The following MDGA1 variants were observed in gnomAD, a reference collection of about 807,000 sequenced individuals.
MDGA1 encodes MAM domain containing glycosylphosphatidylinositol anchor 1.
MDGA1 carries 54 observed loss-of-function variants against 101.5 expected under a neutral mutation model. The ratio of observed to expected loss-of-function variants is 0.53; its 90% CI spans 0.43 to 0.67. MDGA1 has a LOEUF of 0.67. Ranked by LOEUF, MDGA1 falls within the 30% of genes least tolerant of loss-of-function variation. The probability of loss-of-function intolerance (pLI) is 0.00; values close to 1 mark genes in which losing one functional copy is unlikely to be tolerated. For missense variants in MDGA1, 1,083 were observed against 1,323.8 expected (o/e 0.82, Z 2.82); for synonymous variants, 533 against 558.3 (o/e 0.95, Z 0.64).
chr6:37,693,792 C>T (rs1030684432), intron 1 of MDGA1, among the ~76,000 whole-genome samples: 6 of 152,160 alleles, frequency 3.9e-5, no homozygotes, highest in African/African-American at 1.4e-4. Flanking sequence ...GATTGGGAGG[C>T]GAGGAGGGAG....
intron 1 of MDGA1, among the ~76,000 whole-genome samples, chr6:37,669,642 C>G (rs368248391): frequency 1.3e-5 from 2 of 152,290 alleles, no homozygotes; most frequent in Non-Finnish European, 1.5e-5. Flanking sequence ...GGTCCCTGCC[C>G]CACTGAACCT....
rs181928394 is a variant in MDGA1, at chr6:37,677,781, C to T, written c.68-13675G>A. On this transcript the variant is annotated intron_variant, in intron 1 of 16. Transcript: ENST00000434837. ...CTGGTGGGGCCTTGGCCCATAGCAG[C>T]ACAGAAAGGGAGGGAAGGAAGGACA... Among the ~76,000 whole-genome samples, 285 of 152,256 alleles carry T rather than the reference C, an allele frequency of 1.9e-3. 2 individuals are homozygous for T. Among genetic ancestry groups the T allele is most frequent in the African/African-American group, 6.2e-3 (258 of 41,538 alleles).
rs751341337 is a variant in MDGA1, at chr6:37,664,076, C to G, written c.98G>C (p.Gly33Ala). The change falls in exon 2 of 17, where the codon GGC becomes GCC. Residue 33 changes from glycine to alanine, a missense_variant. Around this residue, in one of 3 missense-constraint regions of MDGA1, gnomAD observed 310 missense variants for 355.9 expected, o/e 0.87. Transcript: ENST00000434837. ...GTCCTCTTTCACCACACATGCCTGG[C>G]CCGCATGCACGATCTGCGCCTGGGC... is the stretch of plus-strand genomic sequence containing the variant. The part of the protein sequence containing the change: ...APAQAQIVHA[G>A]QACVVKEDNI... The G allele has an allele frequency of 6.2e-7, 1 of 1,613,918 alleles. No homozygotes were observed.
chr6:37,637,668 C>G (rs1419656307), intron 16 of MDGA1, among the ~76,000 whole-genome samples: 6 of 152,118 alleles, frequency 3.9e-5, no homozygotes, highest in Non-Finnish European at 8.8e-5. Context: ...TGCCAGGGTT[C>G]ACATTCACTA....
chr6:37,654,304 C>G lies in MDGA1; in HGVS notation c.952G>C (p.Ala318Pro). 1 of 1,569,290 alleles carries G rather than the reference C, an allele frequency of 6.4e-7. No homozygotes were observed. The highest frequency in any genetic ancestry group is 1.2e-5 in the South Asian group (1 of 83,430). ...CTATNNVGNP[A>P]KKTVNLLVRS... ...ACCAGCAGGTTGACAGTCTTCTTGGCAGGGTTGCCCACATTGTTGGTGGCT... is the reference window on the plus strand; with the variant it reads ...ACCAGCAGGTTGACAGTCTTCTTGGGAGGGTTGCCCACATTGTTGGTGGCT... Residue 318 changes from alanine (A) to proline (P), a missense_variant, in exon 6 of 17, where the codon GCC becomes CCC. By Grantham distance (27) the Ala-to-Pro change is conservative (BLOSUM62 -1). Around this residue, in one of 3 missense-constraint regions of MDGA1, gnomAD observed 116 missense variants for 196.6 expected, o/e 0.59. Coordinates refer to ENST00000434837, the MANE Select transcript of MDGA1 (RefSeq NM_153487.4).
intron 3 of MDGA1, among the ~76,000 whole-genome samples, chr6:37,657,090 C>T (rs960340222): frequency 6.6e-6 from 1 of 152,156 alleles, no homozygotes; most frequent in Non-Finnish European, 1.5e-5. Context: ...TTTACACACA[C>T]ACACATATGT....
intron 1 of MDGA1, among the ~76,000 whole-genome samples, chr6:37,688,851 G>A (rs1418635202): frequency 6.6e-6 from 1 of 152,212 alleles, no homozygotes; most frequent in Non-Finnish European, 1.5e-5. Flanking sequence ...ACCCTCAGAG[G>A]CAACAGGCTG....
chr6:37,642,858 G>A (rs879786274), intron 14 of MDGA1, among the ~76,000 whole-genome samples: 4 of 152,122 alleles, frequency 2.6e-5, no homozygotes, highest in Non-Finnish European at 4.4e-5. Context: ...CGTCCACCTC[G>A]TTCACTACAG....
At chr6:37,656,005 C>T in intron 3 of MDGA1, 109 bp from the exon 4 acceptor site, 1 of 838,208 alleles carries the variant, frequency 1.2e-6, no homozygotes, top group Non-Finnish European at 1.8e-6. Flanking sequence ...ACAGACATTT[C>T]CAGATTGCCA....
intron 2 of MDGA1, among the ~76,000 whole-genome samples, chr6:37,661,690 A>G (rs927621609): frequency 9.2e-5 from 14 of 152,140 alleles, no homozygotes; most frequent in Non-Finnish European, 1.8e-4. Context: ...TGGCAGTGGG[A>G]GATCAGACAA....
At chr6:37,694,310 C>T (rs188432102) in intron 1 of MDGA1, among the ~76,000 whole-genome samples, 18 of 152,318 alleles carry the variant, frequency 1.2e-4, no homozygotes, top group Admixed American at 9.8e-4. Context: ...TGCTGGAAAC[C>T]AAGTCCTAGA....
rs984766691 is a variant in MDGA1, at chr6:37,654,943, G to A, written c.580-11C>T. On this transcript the variant is annotated splice_polypyrimidine_tract_variant and intron_variant, in intron 4 of 16. Coordinates refer to ENST00000434837, the MANE Select transcript of MDGA1 (RefSeq NM_153487.4). ...GACCTTGGTCTCCCCCTGGGCAGCA[G>A]TGGACCACTGGGGTGAGGTGCCTGC... is the stretch of plus-strand genomic sequence containing the variant. 3.1e-6 allele frequency: 5 copies of A among 1,612,674 alleles called. No individual in the cohort carries two copies. The African/African-American group carries it at 6.7e-5, about 22-fold the overall frequency.
rs1487027208 is a variant in MDGA1, at chr6:37,696,749, G to C, written c.63C>G (p.Val21=). 3 of 1,581,738 alleles carry C rather than the reference G, an allele frequency of 1.9e-6. No homozygotes were observed. The change falls in exon 1 of 17, where the codon GTC becomes GTG. Residue 21 remains valine, a synonymous_variant. Transcript: ENST00000434837. The surrounding 1 kb of genome is among the most constrained non-coding windows in gnomAD (Gnocchi z 5.6). ...GAGCGGGACGCGGGCTCTTACCGTA[G>C]ACTCCTTGTCCCCGGCAGTGGAAGG... ...LIPFHCRGQG[V]YAPAQAQIVH...
chr6:37,689,227 C>T lies in MDGA1; in HGVS notation c.67+7518G>A, dbSNP rs901496297. On this transcript the variant is annotated intron_variant, in intron 1 of 16. Coordinates refer to ENST00000434837, the MANE Select transcript of MDGA1 (RefSeq NM_153487.4). ...CCCAGGGCTCTGGCCTCAGCCCAAT[C>T]CCTTCTCTCTACTTTCTAATCCCTG... is the stretch of plus-strand genomic sequence containing the variant. Among the ~76,000 whole-genome samples the T allele has an allele frequency of 7.2e-5, 11 of 152,326 alleles. No individual in the cohort carries two copies. In the South Asian group the frequency reaches 1.0e-3, roughly 14 times the overall value.
At chr6:37,664,206 G>C in intron 1 of MDGA1, 100 bp from the exon 2 acceptor site, 1 of 1,466,268 alleles carries the variant, frequency 6.8e-7, no homozygotes, top group Non-Finnish European at 9.4e-7. Context: ...GGTCAGCCCA[G>C]ATCTCCCCAG....
intron 14 of MDGA1, among the ~76,000 whole-genome samples, chr6:37,640,989 G>A (rs116075896): frequency 0.014 from 2,194 of 152,268 alleles, 72 homozygotes; most frequent in African/African-American, 0.051. Context: ...CCCTGCTGGC[G>A]AAGGTGCCTC....
chr6:37,654,639 C>G, intron 5 of MDGA1, 96 bp from the exon 6 acceptor site: 1 of 1,579,322 alleles, frequency 6.3e-7, no homozygotes, highest in Non-Finnish European at 8.7e-7. Flanking sequence ...GCTGGAGAAG[C>G]CCTCAGGGGA....
At chr6:37,681,628 T>C (rs1023500118) in intron 1 of MDGA1, among the ~76,000 whole-genome samples, 6 of 152,264 alleles carry the variant, frequency 3.9e-5, no homozygotes, top group Admixed American at 3.3e-4. Context: ...GTATATTACA[T>C]GCACAAAAAA....
chr6:37,660,864 G>A (rs1452812204), intron 2 of MDGA1, among the ~76,000 whole-genome samples: 1 of 151,988 alleles, frequency 6.6e-6, no homozygotes, highest in African/African-American at 2.4e-5. Context: ...GGACTTTTAT[G>A]GTCCTGTTTC....
Sources: allele counts gnomAD v4.1 joint callset (sites outside exome capture counted in the v4.1 genomes callset), GRCh38; gene constraint gnomAD v4.1.1; regional missense constraint gnomAD v4.1.1; non-coding constraint Gnocchi (gnomAD v3.1); transcripts MANE v1.5; gene names NCBI Gene and HGNC (gene_info 2026-07-23, HGNC 2026-07-21).